The following LYN variants were observed in gnomAD, a reference collection of about 807,000 sequenced individuals.
LYN encodes the protein tyrosine-protein kinase Lyn.
In LYN, 12 loss-of-function variants were observed where a neutral mutation model predicts 65.0. That is an observed-to-expected ratio of 0.18 (90% confidence interval 0.12 to 0.30). LYN has a LOEUF of 0.30. LYN is among the 10% of genes least tolerant of loss of function. LYN has a pLI of 1.00. For synonymous variants in LYN, 222 were observed against 221.2 expected, an observed-to-expected ratio of 1.00 and a Z score of -0.03; for missense variants, 380 against 623.2, an observed-to-expected ratio of 0.61 and a Z score of 4.16.
intron 1 of LYN, chr8:55,940,445 G>A (rs892898970): frequency 6.6e-6 from 1 of 152,218 alleles, no homozygotes; most frequent in East Asian, 1.9e-4. Context: ...GCGCGATCTC[G>A]GCTCACTGCA....
chr8:55,940,782 C>T (rs1192236819), intron 1 of LYN, among the ~76,000 whole-genome samples: 1 of 152,202 alleles, frequency 6.6e-6, no homozygotes, highest in African/African-American at 2.4e-5. Flanking sequence ...GTGTAGTGCT[C>T]AGCCGTCCTG....
intron 12 of LYN, among the ~76,000 whole-genome samples, chr8:56,009,428 T>A (rs1376320535): frequency 6.6e-6 from 1 of 152,198 alleles, no homozygotes; most frequent in African/African-American, 2.4e-5. Flanking sequence ...TACAACACAC[T>A]GGGTAATTTA....
At chr8:55,951,907 G>C (rs1158049251) in intron 6 of LYN, 59 bp from the exon 7 acceptor site, 1 of 1,400,114 alleles carries the variant, frequency 7.1e-7, no homozygotes. Context: ...TGCAGTTGTT[G>C]TATAATGCAG....
intron 10 of LYN, among the ~76,000 whole-genome samples, chr8:55,988,574 G>A (rs1314426367): frequency 1.3e-5 from 2 of 152,126 alleles, no homozygotes; most frequent in African/African-American, 4.8e-5. Context: ...CATCCTTAGA[G>A]AGTAAGGTAA....
intron 1 of LYN, among the ~76,000 whole-genome samples, chr8:55,920,398 AT>A (rs1805910485): frequency 6.6e-6 from 1 of 152,214 alleles, no homozygotes; most frequent in Non-Finnish European, 1.5e-5. Context: ...AAGTGTGATC[AT>A]GTCACTATAA....
intron 10 of LYN, among the ~76,000 whole-genome samples, chr8:55,979,251 AGGCTG>A (rs906437362): frequency 6.6e-6 from 1 of 152,108 alleles, no homozygotes; most frequent in Non-Finnish European, 1.5e-5. Context: ...CATGTTGGCC[AGGCTG>A]GTCCTGAACT....
At chr8:55,981,166 G>T (rs922370551) in intron 10 of LYN, among the ~76,000 whole-genome samples, 3 of 152,052 alleles carry the variant, frequency 2.0e-5, no homozygotes, top group Non-Finnish European at 4.4e-5. Flanking sequence ...CTCACCCTTT[G>T]TTCTGAGCCA....
intron 10 of LYN, among the ~76,000 whole-genome samples, chr8:55,986,175 T>A (rs1808066656): frequency 7.1e-6 from 1 of 140,312 alleles, no homozygotes; most frequent in Non-Finnish European, 1.5e-5. Context: ...AAAAAAAAAA[T>A]CCACCAGAAT....
At chr8:55,949,557 T>C (rs1806877927) in intron 4 of LYN, among the ~76,000 whole-genome samples, 1 of 152,260 alleles carries the variant, frequency 6.6e-6, no homozygotes, top group South Asian at 2.1e-4. Context: ...CTTTTTTCCT[T>C]TTATTTTTAG....
chr8:55,995,634 C>T lies in LYN; in HGVS notation c.1051-2712C>T, dbSNP rs780991001. ...GAGAGGGTATGCCAGGCATGGCTTC[C>T]GGGAGAAGTAAAATCTCAGCTGAGA... On this transcript the variant is annotated intron_variant, in intron 10 of 12. Transcript: ENST00000519728. Among the ~76,000 whole-genome samples the T allele has an allele frequency of 5.9e-5, 9 of 152,072 alleles. 1 individual carries two copies. In the South Asian group the frequency reaches 6.2e-4, roughly 11 times the overall value.
chr8:55,980,082 C>A (rs1807876369), intron 10 of LYN, among the ~76,000 whole-genome samples: 1 of 152,222 alleles, frequency 6.6e-6, no homozygotes, highest in South Asian at 2.1e-4. Flanking sequence ...CACACAGGGT[C>A]CCCCTGAGCC....
At chr8:55,898,323 C>T (rs1805175740) in intron 1 of LYN, among the ~76,000 whole-genome samples, 1 of 152,172 alleles carries the variant, frequency 6.6e-6, no homozygotes, top group Non-Finnish European at 1.5e-5. Flanking sequence ...GAGTCTCCCT[C>T]TGTCACCCAG....
rs544524108 is a variant in LYN at position 55,887,312 on chromosome 8, A to G, written c.-6+7209A>G. On this transcript the variant is annotated intron_variant, in intron 1 of 12. Coordinates refer to ENST00000519728, the MANE Select transcript of LYN (RefSeq NM_002350.4). Reference sequence around the variant, plus strand: ...AACAATAGCAAAAGAGCTGAACACAAACTAGTAGATGACATGATACCATTT... The same window carrying G: ...AACAATAGCAAAAGAGCTGAACACAGACTAGTAGATGACATGATACCATTT... Among the ~76,000 whole-genome samples, 55 of 152,236 alleles carry G rather than the reference A, an allele frequency of 3.6e-4. No homozygotes were observed. In the South Asian group the frequency reaches 9.7e-3, roughly 27 times the overall value.
intron 1 of LYN, among the ~76,000 whole-genome samples, chr8:55,898,344 A>G (rs1009597782): frequency 1.3e-5 from 2 of 152,160 alleles, no homozygotes; most frequent in African/African-American, 2.4e-5. Flanking sequence ...GCTGGAGTGC[A>G]GTGGCACACT....
chr8:55,981,676 G>A (rs904434113), intron 10 of LYN, among the ~76,000 whole-genome samples: 1 of 152,046 alleles, frequency 6.6e-6, no homozygotes, highest in African/African-American at 2.4e-5. Flanking sequence ...CTTTTGAAAA[G>A]GTTTTCTGAG....
intron 1 of LYN, among the ~76,000 whole-genome samples, chr8:55,886,993 A>G (rs886655785): frequency 2.6e-5 from 4 of 152,204 alleles, no homozygotes; most frequent in African/African-American, 9.7e-5. Flanking sequence ...TAATCAACAT[A>G]TTTTCATCCC....
In LYN at chr8:55,936,263, T is replaced by C. The variant is rs1806434174; in HGVS notation, c.-5-5592T>C. On this transcript the variant is annotated intron_variant, in intron 1 of 12. Coordinates refer to ENST00000519728, the MANE Select transcript of LYN (RefSeq NM_002350.4). ...AGGCTTCCTTTCTCTTCCTCATGTCTTTCTAAGCTCTCTAATTCAGAAAAC... is the reference window on the plus strand; with the variant it reads ...AGGCTTCCTTTCTCTTCCTCATGTCCTTCTAAGCTCTCTAATTCAGAAAAC... 2.0e-5 allele frequency among the ~76,000 whole-genome samples: 3 copies of C among 152,336 alleles called. No individual in the cohort carries two copies. In the South Asian group the frequency reaches 6.2e-4, roughly 32 times the overall value.
Position 56,012,026 on chromosome 8 carries a change from C to A in LYN, c.*1916C>A. The A allele has an allele frequency of 5.3e-6, 1 of 189,266 alleles. No individual in the cohort carries two copies. The highest frequency in any genetic ancestry group is 6.2e-5 in the Admixed American group (1 of 16,214). 11.7% of individuals were successfully genotyped at this position (189,266 alleles called of 1,614,324 possible). On this transcript the variant is annotated 3_prime_UTR_variant, in exon 13 of 13. Transcript: ENST00000519728. The stretch of plus-strand genomic sequence containing the variant: ...TAAAGAAAATTATTAAATTTATCTT[C>A]GCCTTGTTTTGCTTCTCCCAGTTCC...
At chr8:55,909,429 T>G (rs751322028) in intron 1 of LYN, among the ~76,000 whole-genome samples, 2 of 152,172 alleles carry the variant, frequency 1.3e-5, no homozygotes, top group Non-Finnish European at 2.9e-5. Context: ...CTTGGACATG[T>G]TCAGTCATAA....
Sources: gnomAD v4.1 joint callset for allele counts (sites outside exome capture counted in the v4.1 genomes callset) on GRCh38, gnomAD v4.1.1 for gene constraint, MANE v1.5 for transcripts, NCBI Gene and HGNC (gene_info 2026-07-23, HGNC 2026-07-21) for gene names.